TMEM9: variants seen among roughly 807,000 people sequenced by gnomAD.
The protein encoded by TMEM9 is transmembrane protein 9, also known as proton-transporting V-type ATPase complex assembly regulator TMEM9.
A neutral mutation model predicts 22.8 loss-of-function variants in TMEM9; 13 were observed. The observed-to-expected ratio is 0.57, with a 90% CI of 0.37 to 0.91. TMEM9 has a LOEUF of 0.91. Ranked by LOEUF, TMEM9 falls within the 40% of genes least tolerant of loss-of-function variation. The probability of loss-of-function intolerance (pLI) is 0.01; values close to 1 mark genes in which losing one functional copy is unlikely to be tolerated. For synonymous variants in TMEM9, 88 were observed against 93.0 expected (o/e 0.95, Z 0.31); for missense variants, 182 against 238.1 (o/e 0.76, Z 1.55).
At chr1:201,155,462 C>T (rs1665760650), upstream of TMEM9, among the ~76,000 whole-genome samples, 1 of 152,242 alleles carries the variant, frequency 6.6e-6, no homozygotes, top group South Asian at 2.1e-4. Flanking sequence ...ATCTGGAGGC[C>T]ACTGAGTTTG....
chr1:201,161,929 G>A (rs861260), intron 1 of TMEM9, among the ~76,000 whole-genome samples: 1 of 152,134 alleles, frequency 6.6e-6, no homozygotes, highest in African/African-American at 2.4e-5. Flanking sequence ...AAGGCTAAGA[G>A]AACTTCAAGT....
chr1:201,149,839 C>A (rs1665280904), intron 2 of TMEM9, among the ~76,000 whole-genome samples: 1 of 152,194 alleles, frequency 6.6e-6, no homozygotes, highest in African/African-American at 2.4e-5. Context: ...CCTTAAGAGG[C>A]TCCAGGCAAG....
At chr1:201,137,471 AACACACACACACACAC>A (rs144662228) in intron 4 of TMEM9, among the ~76,000 whole-genome samples, 168 of 146,658 alleles carry the variant, frequency 1.1e-3, no homozygotes, top group Middle Eastern at 3.5e-3. Context: ...CAAATTATCT[AACACACACACACACAC>A]ACACACACAC....
chr1:201,165,270 T>C (rs925002319), intron 1 of TMEM9, among the ~76,000 whole-genome samples: 11 of 150,410 alleles, frequency 7.3e-5, no homozygotes, highest in Middle Eastern at 3.2e-3. Flanking sequence ...GAAAGGGCTC[T>C]TTTATAAAGT....
At chr1:201,141,193 G>A (rs371123127) in intron 4 of TMEM9, among the ~76,000 whole-genome samples, 2 of 152,210 alleles carry the variant, frequency 1.3e-5, no homozygotes, top group East Asian at 3.8e-4. Flanking sequence ...CTTTTCAGCT[G>A]ACCACCCGTC....
intron 1 of TMEM9, among the ~76,000 whole-genome samples, chr1:201,171,012 G>A (rs1020886894): frequency 2.2e-4 from 33 of 152,256 alleles, no homozygotes; most frequent in Admixed American, 2.0e-3. Flanking sequence ...TCTCTCACCA[G>A]GCGACAAGGC....
rs559346712 is a variant in TMEM9 at position 201,169,590 on chromosome 1, A to G, written c.-37+1900T>C. 1.3e-5 allele frequency among the ~76,000 whole-genome samples: 2 copies of G among 152,340 alleles called. 1 individual carries two copies. Among genetic ancestry groups the G allele is most frequent in the South Asian group, 4.1e-4 (2 of 4,820 alleles). On this transcript the variant is annotated intron_variant, in intron 1 of 5. Coordinates refer to the TMEM9 transcript ENST00000367333. Reference sequence around the variant, plus strand: ...AAATGGAACATTGTCCTGGGAAAGAAAAATCTTGGTGGTGATAGCAGTCTT... The same window carrying G: ...AAATGGAACATTGTCCTGGGAAAGAGAAATCTTGGTGGTGATAGCAGTCTT...
chr1:201,147,147 C>CT lies in TMEM9; in HGVS notation c.159-300dup, dbSNP rs533144752. ...CCCCAGCCGCCTTCCTCATCTCATG[C>CT]TATGTTCTCCCGGCATGTGCTCATC... On this transcript the variant is annotated intron_variant, in intron 2 of 4. Coordinates refer to ENST00000367330, the MANE Select transcript of TMEM9 (RefSeq NM_001288565.2). 1.6e-3 allele frequency among the ~76,000 whole-genome samples: 246 copies of CT among 152,294 alleles called. 1 individual carries two copies. Among genetic ancestry groups the CT allele is most frequent in the African/African-American group, 5.8e-3 (239 of 41,554 alleles).
intron 1 of TMEM9, among the ~76,000 whole-genome samples, chr1:201,161,932 C>G (rs1665954723): frequency 6.6e-6 from 1 of 152,140 alleles, no homozygotes; most frequent in African/African-American, 2.4e-5. Flanking sequence ...GCTAAGAGAA[C>G]TTCAAGTTAC....
At chr1:201,145,045 T>C (rs1483766176) in intron 3 of TMEM9, 3 of 152,212 alleles carry the variant, frequency 2.0e-5, no homozygotes, top group African/African-American at 7.2e-5. Flanking sequence ...ACTGGACCAA[T>C]GTCCCACCTG....
chr1:201,144,495 G>C (rs892153834), intron 3 of TMEM9: 1 of 154,086 alleles, frequency 6.5e-6, no homozygotes, highest in African/African-American at 2.4e-5. Context: ...TGTGTGCTGG[G>C]GGTGAAGGTC....
rs116062808 is a variant in TMEM9 at position 201,144,069 on chromosome 1, A to G, written c.268-118T>C. The G allele has an allele frequency of 7.2e-4, 877 of 1,209,868 alleles. 8 individuals are homozygous for G. In the African/African-American group the frequency reaches 0.012, roughly 16 times the overall value. 74.9% of individuals were successfully genotyped at this position (1,209,868 alleles called of 1,614,324 possible). A position where few individuals can be genotyped will look rare whatever the true frequency, so the allele number is the denominator to read the frequency against. On this transcript the variant is annotated intron_variant, in intron 3 of 4. Transcript: ENST00000367330. ...GTGACTCCTCAAGTGGTGCACTAAG[A>G]AAGGACTTGGAGGCAACGTGGGCTC... is the stretch of plus-strand genomic sequence containing the variant.
At chr1:201,137,877 C>T (rs1664142185) in intron 4 of TMEM9, among the ~76,000 whole-genome samples, 1 of 152,178 alleles carries the variant, frequency 6.6e-6, no homozygotes, top group Non-Finnish European at 1.5e-5. Flanking sequence ...TGGCTGCTGC[C>T]CCTCCTTCCA....
intron 1 of TMEM9, among the ~76,000 whole-genome samples, chr1:201,162,029 T>C (rs1572139463): frequency 1.3e-5 from 2 of 152,342 alleles, no homozygotes; most frequent in Admixed American, 6.5e-5. Context: ...GGTGATTGAA[T>C]AATAATTCCA....
chr1:201,165,715 G>T (rs1404226289), intron 1 of TMEM9, among the ~76,000 whole-genome samples: 1 of 152,196 alleles, frequency 6.6e-6, no homozygotes, highest in Non-Finnish European at 1.5e-5. Flanking sequence ...GATTATAGGC[G>T]TGTGCCACCG....
chr1:201,153,205 AT>A (rs574644230), intron 1 of TMEM9, among the ~76,000 whole-genome samples: 1 of 152,154 alleles, frequency 6.6e-6, no homozygotes, highest in Non-Finnish European at 1.5e-5. Flanking sequence ...AGTACATCAT[AT>A]TTTTTTACCG....
chr1:201,158,256 AC>A (rs913727043), upstream of TMEM9, among the ~76,000 whole-genome samples: 1 of 152,134 alleles, frequency 6.6e-6, no homozygotes, highest in Non-Finnish European at 1.5e-5. Flanking sequence ...TCAAGAGAAC[AC>A]CTCCGTCAGA....
chr1:201,169,431 T>C (rs1441742793), intron 1 of TMEM9, among the ~76,000 whole-genome samples: 1 of 152,230 alleles, frequency 6.6e-6, no homozygotes, highest in Non-Finnish European at 1.5e-5. Flanking sequence ...ACCAGTAGCC[T>C]ACAGCTGGGT....
intron 4 of TMEM9, among the ~76,000 whole-genome samples, chr1:201,142,266 C>T (rs1664590285): frequency 6.6e-6 from 1 of 152,228 alleles, no homozygotes; most frequent in Non-Finnish European, 1.5e-5. Context: ...CGAGAGCAGC[C>T]AGGCTCCCTC....
Sources: allele counts gnomAD v4.1 joint callset (sites outside exome capture counted in the v4.1 genomes callset), GRCh38; gene constraint gnomAD v4.1.1; transcripts MANE v1.5; gene names NCBI Gene and HGNC (gene_info 2026-07-23, HGNC 2026-07-21).